Variants in SAMD12 observed in about 807,000 individuals in gnomAD.
The protein encoded by SAMD12 is sterile alpha motif domain containing 12, also known as sterile alpha motif domain-containing protein 12.
A neutral mutation model predicts 15.0 loss-of-function variants in SAMD12; 9 were observed. That is an observed-to-expected ratio of 0.60 (90% CI 0.36 to 1.05). SAMD12 has a LOEUF of 1.05. Among genes scored for constraint, SAMD12 ranks in the 50% least tolerant of loss-of-function variants. The pLI, the probability that SAMD12 is intolerant of heterozygous loss-of-function variation, is 0.01. For missense variants in SAMD12, 230 were observed against 234.2 expected (o/e 0.98, Z 0.12); for synonymous variants, 86 against 90.1 (o/e 0.96, Z 0.25).
intron 4 of SAMD12, among the ~76,000 whole-genome samples, chr8:118,275,217 C>T (rs1813444475): frequency 1.3e-5 from 2 of 152,016 alleles, no homozygotes; most frequent in Admixed American, 6.6e-5. Flanking sequence ...ATTGAGATTA[C>T]ACAGTTTTTC....
chr8:118,536,961 T>A (rs1825862499), intron 2 of SAMD12, among the ~76,000 whole-genome samples: 1 of 152,224 alleles, frequency 6.6e-6, no homozygotes, highest in Admixed American at 6.5e-5. Flanking sequence ...GTAGGACAGG[T>A]CTGGTGTTGA....
At chr8:118,208,015 C>T (rs553486781) in intron 4 of SAMD12, among the ~76,000 whole-genome samples, 7 of 151,730 alleles carry the variant, frequency 4.6e-5, no homozygotes, top group South Asian at 2.1e-4. Flanking sequence ...AATGACACTT[C>T]GGGAGGCTGA....
At chr8:118,384,784 A>G (rs1216568810) in intron 3 of SAMD12, among the ~76,000 whole-genome samples, 1 of 152,220 alleles carries the variant, frequency 6.6e-6, no homozygotes, top group Non-Finnish European at 1.5e-5. Context: ...GAATGCTCTT[A>G]TTCCTTCAAG....
intron 2 of SAMD12, among the ~76,000 whole-genome samples, chr8:118,514,747 A>G (rs1227368944): frequency 2.0e-5 from 3 of 152,224 alleles, no homozygotes; most frequent in Non-Finnish European, 2.9e-5. Flanking sequence ...CCAGCTTGTG[A>G]GAGAAAAAAC....
intron 4 of SAMD12, among the ~76,000 whole-genome samples, chr8:118,291,596 G>T (rs1457685481): frequency 6.6e-6 from 1 of 152,034 alleles, no homozygotes; most frequent in African/African-American, 2.4e-5. Flanking sequence ...CCTGGTTTCT[G>T]CCAGTCCTCA....
chr8:118,164,878 C>CATTCCACATATGCATATATGG, the SAMD12 span, among the ~76,000 whole-genome samples: 1 of 151,622 alleles, frequency 6.6e-6, no homozygotes, highest in South Asian at 2.1e-4. Context: ...TGCATATATG[C>CATTCCACATATGCATATATGG]ATTCCACATA....
At chr8:118,150,866 T>A in the SAMD12 span, among the ~76,000 whole-genome samples, 12 of 152,142 alleles carry the variant, frequency 7.9e-5, no homozygotes, top group South Asian at 2.1e-3. Context: ...TCTGAAAAAA[T>A]TTTTATTTTG....
At chr8:118,606,114 T>C (rs1055569457) in intron 1 of SAMD12, among the ~76,000 whole-genome samples, 1 of 152,098 alleles carries the variant, frequency 6.6e-6, no homozygotes, top group Non-Finnish European at 1.5e-5. Context: ...AACTTAAAAC[T>C]CTCATTACTT....
intron 2 of SAMD12, among the ~76,000 whole-genome samples, chr8:118,557,603 G>A (rs1451349229): frequency 2.6e-5 from 4 of 152,148 alleles, no homozygotes; most frequent in Non-Finnish European, 5.9e-5. Context: ...AGTTCTAGTG[G>A]TACACAGACT....
intron 2 of SAMD12, among the ~76,000 whole-genome samples, chr8:118,567,537 A>G (rs1003647927): frequency 2.6e-5 from 4 of 152,178 alleles, no homozygotes; most frequent in Non-Finnish European, 5.9e-5. Context: ...AGACATGTGA[A>G]TACTTACTAC....
chr8:118,372,525 C>T lies in SAMD12; in HGVS notation c.433+7035G>A, dbSNP rs866217988. Among the ~76,000 whole-genome samples the T allele has an allele frequency of 3.4e-4, 51 of 150,790 alleles. 1 individual carries two copies. Among genetic ancestry groups the T allele is most frequent in the Middle Eastern group, 6.9e-3 (2 of 288 alleles). On this transcript the variant is annotated intron_variant, in intron 4 of 4. Transcript: ENST00000409003. ...TTTCCACCATCTTAAGAATATTGCTCTGGCAGTTTCTTATGAGGTCAAACA... is the reference window on the plus strand; with the variant it reads ...TTTCCACCATCTTAAGAATATTGCTTTGGCAGTTTCTTATGAGGTCAAACA...
At chr8:118,424,824 T>C (rs955419085) in intron 3 of SAMD12, among the ~76,000 whole-genome samples, 6 of 152,174 alleles carry the variant, frequency 3.9e-5, no homozygotes, top group African/African-American at 1.4e-4. Flanking sequence ...AAAAGAGTCA[T>C]TGGTCTACTT....
chr8:118,224,903 T>C (rs1033746846), intron 4 of SAMD12, among the ~76,000 whole-genome samples: 9 of 152,230 alleles, frequency 5.9e-5, no homozygotes, highest in African/African-American at 2.2e-4. Flanking sequence ...ATGTAACTTA[T>C]TGTTGAGCAA....
rs548039521 is a variant in SAMD12, at chr8:118,528,043, C to T, written c.192+52672G>A. ...ATAATATATATATATATTTTTTTTC[C>T]TGAGACGGAGTCTCACTCTGTCGCC... On this transcript the variant is annotated intron_variant, in intron 2 of 3. Transcript: ENST00000314727. 1.5e-4 allele frequency among the ~76,000 whole-genome samples: 22 copies of T among 150,382 alleles called. No homozygotes were observed. The South Asian group carries it at 4.6e-3, about 32-fold the overall frequency.
At chr8:118,133,099 A>C in the SAMD12 span, among the ~76,000 whole-genome samples, 3 of 145,886 alleles carry the variant, frequency 2.1e-5, no homozygotes, top group African/African-American at 5.1e-5. Flanking sequence ...TTTTATCTGA[A>C]TGATTTCCAT....
chr8:118,495,296 A>G (rs1341341352), intron 2 of SAMD12, among the ~76,000 whole-genome samples: 4 of 152,178 alleles, frequency 2.6e-5, no homozygotes, highest in Non-Finnish European at 4.4e-5. Flanking sequence ...ACAGCACATG[A>G]GTCTCAGAAG....
intron 2 of SAMD12, among the ~76,000 whole-genome samples, chr8:118,545,774 A>G (rs1281161427): frequency 1.3e-5 from 2 of 152,236 alleles, no homozygotes; most frequent in African/African-American, 4.8e-5. Context: ...AGGTTTAAAA[A>G]TTATGCATCT....
At chr8:118,455,802 C>T (rs1486649510) in intron 2 of SAMD12, among the ~76,000 whole-genome samples, 1 of 152,204 alleles carries the variant, frequency 6.6e-6, no homozygotes, top group Non-Finnish European at 1.5e-5. Context: ...CATCCTTATA[C>T]ATACATACAT....
intron 2 of SAMD12, among the ~76,000 whole-genome samples, chr8:118,485,782 C>T (rs764203311): frequency 2.6e-5 from 4 of 152,152 alleles, no homozygotes; most frequent in Non-Finnish European, 5.9e-5. Context: ...AAAATCATTA[C>T]AATTACTCAA....
Sources: allele counts gnomAD v4.1 joint callset (sites outside exome capture counted in the v4.1 genomes callset), GRCh38; gene constraint gnomAD v4.1.1; transcripts MANE v1.5; gene names NCBI Gene and HGNC (gene_info 2026-07-23, HGNC 2026-07-21).